Variants in TBCK observed in about 807,000 individuals in gnomAD.
TBCK encodes TBC1 domain containing kinase, also known as TBC domain-containing protein kinase-like protein.
Under a neutral mutation model 113.4 loss-of-function variants are expected in TBCK, and 99 were observed. The observed-to-expected ratio is 0.87, with a 90% CI of 0.74 to 1.03. The LOEUF (loss-of-function observed/expected upper bound fraction) is 1.03, where lower values mean the gene tolerates loss of function less well. TBCK is among the 50% of genes least tolerant of loss of function. The pLI is 0.00. For missense variants in TBCK, 1,045 were observed against 1,061.3 expected (o/e 0.98, Z 0.21); for synonymous variants, 369 against 370.8 (o/e 1.00, Z 0.05).
At chr4:106,115,060 T>C (rs1213181675) in intron 24 of TBCK, among the ~76,000 whole-genome samples, 1 of 152,208 alleles carries the variant, frequency 6.6e-6, no homozygotes, top group East Asian at 1.9e-4. Flanking sequence ...AGCTCTCCAA[T>C]TGTACTGTCA....
chr4:106,245,293 T>A (rs976338810), intron 10 of TBCK, among the ~76,000 whole-genome samples: 18 of 152,274 alleles, frequency 1.2e-4, no homozygotes, highest in African/African-American at 4.3e-4. Flanking sequence ...GCAGAGGAAA[T>A]GTAACCATTC....
intron 3 of TBCK, among the ~76,000 whole-genome samples, chr4:106,269,435 T>G (rs1442658634): frequency 1.3e-5 from 2 of 152,040 alleles, no homozygotes; most frequent in African/African-American, 4.8e-5. Flanking sequence ...TTTGATGTTT[T>G]GTAAAAAAAT....
chr4:106,162,232 T>C (rs984504423), intron 23 of TBCK, among the ~76,000 whole-genome samples: 4 of 152,190 alleles, frequency 2.6e-5, no homozygotes, highest in African/African-American at 9.6e-5. Context: ...CTTGACTTCA[T>C]GTCACACATC....
chr4:106,232,583 G>A (rs1477744226), intron 17 of TBCK, among the ~76,000 whole-genome samples: 1 of 151,968 alleles, frequency 6.6e-6, no homozygotes, highest in South Asian at 2.1e-4. Context: ...AATAGCCATG[G>A]TAAGTATAAA....
chr4:106,187,828 T>C (rs1228440695), intron 22 of TBCK, among the ~76,000 whole-genome samples: 1 of 152,150 alleles, frequency 6.6e-6, no homozygotes, highest in African/African-American at 2.4e-5. Flanking sequence ...GTAAGTGAGA[T>C]TGTGTTCTTG....
intron 25 of TBCK, among the ~76,000 whole-genome samples, chr4:106,053,494 T>C (rs1735046778): frequency 6.6e-6 from 1 of 151,686 alleles, no homozygotes; most frequent in South Asian, 2.1e-4. Flanking sequence ...TAGCTGTGCC[T>C]TCTCATCTCC....
At chr4:106,159,692 T>C (rs1749536923) in intron 23 of TBCK, among the ~76,000 whole-genome samples, 1 of 152,028 alleles carries the variant, frequency 6.6e-6, no homozygotes, top group Non-Finnish European at 1.5e-5. Context: ...ATTGTTAAGA[T>C]ATCAATATTA....
intron 20 of TBCK, among the ~76,000 whole-genome samples, chr4:106,205,501 T>C (rs1401056387): frequency 2.1e-5 from 3 of 145,702 alleles, no homozygotes; most frequent in African/African-American, 5.2e-5. Context: ...CCCAGCACTT[T>C]GGGAGGCCAA....
chr4:106,080,331 A>T (rs1738707193), intron 25 of TBCK, among the ~76,000 whole-genome samples: 1 of 152,356 alleles, frequency 6.6e-6, no homozygotes, highest in South Asian at 2.1e-4. Flanking sequence ...AAACAGACAT[A>T]GACTCATGGA....
At chr4:106,123,452 G>A (rs1247245831) in intron 23 of TBCK, among the ~76,000 whole-genome samples, 1 of 152,134 alleles carries the variant, frequency 6.6e-6, no homozygotes, top group Non-Finnish European at 1.5e-5. Context: ...ACTGCCCAAG[G>A]TAATTTACAG....
At chr4:106,091,562 A>T (rs1318991821) in intron 25 of TBCK, among the ~76,000 whole-genome samples, 1 of 152,034 alleles carries the variant, frequency 6.6e-6, no homozygotes, top group Non-Finnish European at 1.5e-5. Flanking sequence ...CTGGCTCATG[A>T]GTGAAGCTGC....
At chr4:106,103,568 C>T (rs951403952) in intron 24 of TBCK, among the ~76,000 whole-genome samples, 1 of 152,308 alleles carries the variant, frequency 6.6e-6, no homozygotes, top group East Asian at 1.9e-4. Flanking sequence ...GTTGCTTAAC[C>T]TCTTTAAACT....
intron 20 of TBCK, among the ~76,000 whole-genome samples, chr4:106,197,339 A>G (rs1207708017): frequency 1.1e-5 from 1 of 92,652 alleles, no homozygotes; most frequent in East Asian, 2.4e-4. Flanking sequence ...TAATTACTGA[A>G]GAGTGTGTGT....
intron 25 of TBCK, among the ~76,000 whole-genome samples, chr4:106,070,669 G>C (rs1038037282): frequency 3.3e-5 from 5 of 151,902 alleles, no homozygotes; most frequent in Non-Finnish European, 7.4e-5. Context: ...AAATGAGTTA[G>C]GGAGGATTCC....
chr4:106,284,870 T>C (rs1490247938), intron 3 of TBCK, among the ~76,000 whole-genome samples: 1 of 152,152 alleles, frequency 6.6e-6, no homozygotes, highest in African/African-American at 2.4e-5. Context: ...GGAGTTGAGA[T>C]CTAAATTTCT....
chr4:106,169,714 T>G (rs747794073), intron 23 of TBCK, among the ~76,000 whole-genome samples: 1 of 152,074 alleles, frequency 6.6e-6, no homozygotes, highest in Non-Finnish European at 1.5e-5. Context: ...TCTATTATTA[T>G]TACATCATAA....
intron 22 of TBCK, among the ~76,000 whole-genome samples, chr4:106,183,413 A>G (rs1424137375): frequency 6.6e-6 from 1 of 151,750 alleles, no homozygotes; most frequent in Non-Finnish European, 1.5e-5. Context: ...CTCTCTCTCA[A>G]CCTATCCTCT....
At chr4:106,244,267 A>T (rs1321424349) in intron 11 of TBCK, among the ~76,000 whole-genome samples, 4 of 152,152 alleles carry the variant, frequency 2.6e-5, no homozygotes, top group Non-Finnish European at 5.9e-5. Context: ...TCATAGTAGG[A>T]ACATTAAGCT....
intron 1 of TBCK, among the ~76,000 whole-genome samples, chr4:106,312,492 T>C (rs1187678379): frequency 1.3e-5 from 2 of 152,186 alleles, no homozygotes; most frequent in Non-Finnish European, 2.9e-5. Flanking sequence ...AGCTTTGCTA[T>C]ATTGCTAGTG....
Sources: gnomAD v4.1 joint callset for allele counts (sites outside exome capture counted in the v4.1 genomes callset) on GRCh38, gnomAD v4.1.1 for gene constraint, MANE v1.5 for transcripts, NCBI Gene and HGNC (gene_info 2026-07-23, HGNC 2026-07-21) for gene names.